ALOX5AP: variants seen among roughly 807,000 people sequenced by gnomAD.
ALOX5AP encodes arachidonate 5-lipoxygenase activating protein, also known as arachidonate 5-lipoxygenase-activating protein.
Under a neutral mutation model 18.5 loss-of-function variants are expected in ALOX5AP, and 9 were observed. The ratio of observed to expected loss-of-function variants is 0.49; its 90% CI spans 0.29 to 0.85. The LOEUF (loss-of-function observed/expected upper bound fraction) is 0.85, where lower values mean the gene tolerates loss of function less well. ALOX5AP is among the 40% of genes least tolerant of loss of function. The probability of loss-of-function intolerance (pLI) is 0.08; values close to 1 mark genes in which losing one functional copy is unlikely to be tolerated. For synonymous variants in ALOX5AP, 81 were observed against 78.6 expected (o/e 1.03, Z -0.16); for missense variants, 172 against 202.5 (o/e 0.85, Z 0.91).
chr13:30,760,339 G>A (rs17239291), intron 4 of ALOX5AP, among the ~76,000 whole-genome samples: 5,004 of 152,130 alleles, frequency 0.033, 264 homozygotes, highest in African/African-American at 0.11. Flanking sequence ...CAAGCAATCT[G>A]CCAGCCTCAG....
intron 1 of ALOX5AP, among the ~76,000 whole-genome samples, chr13:30,742,703 A>T (rs754108956): frequency 6.6e-6 from 1 of 152,262 alleles, no homozygotes; most frequent in Non-Finnish European, 1.5e-5. Flanking sequence ...ACAATAAAGC[A>T]CCCCTTTAAT....
intron 1 of ALOX5AP, 90 bp from the exon 2 acceptor site, chr13:30,743,970 G>A: frequency 9.3e-7 from 1 of 1,078,170 alleles, no homozygotes; most frequent in Non-Finnish European, 1.4e-6. Flanking sequence ...GTCAAGTCAA[G>A]GAGGCATTTA....
At chr13:30,740,926 C>T (rs543612381) in intron 1 of ALOX5AP, among the ~76,000 whole-genome samples, 83 of 151,956 alleles carry the variant, frequency 5.5e-4, no homozygotes, top group Non-Finnish European at 1.0e-3. Context: ...CAGAGAAGTA[C>T]GGCACATCGT....
upstream of ALOX5AP, among the ~76,000 whole-genome samples, chr13:30,732,948 G>A (rs1419106089): frequency 6.6e-6 from 1 of 152,036 alleles, no homozygotes; most frequent in Non-Finnish European, 1.5e-5. Context: ...GAGGTCAGGA[G>A]ATCGAGACCA....
At chr13:30,733,426 G>A (rs908408851), upstream of ALOX5AP, among the ~76,000 whole-genome samples, 3 of 152,190 alleles carry the variant, frequency 2.0e-5, no homozygotes, top group Non-Finnish European at 4.4e-5. Flanking sequence ...GCTTTATGGG[G>A]TTCAAACTCC....
rs17245673 is a variant in ALOX5AP, at chr13:30,762,952, C to T, written c.324-992C>T. Among the ~76,000 whole-genome samples, 584 of 152,314 alleles carry T rather than the reference C, an allele frequency of 3.8e-3. 1 individual carries two copies. The highest frequency in any genetic ancestry group is 0.014 in the African/African-American group (564 of 41,580). Reference sequence around the variant, plus strand: ...TGGCCTCTGCATGCCATTAGGAGGTCACATCTCACTGGGGGATGCAGTTTA... The same window carrying T: ...TGGCCTCTGCATGCCATTAGGAGGTTACATCTCACTGGGGGATGCAGTTTA... On this transcript the variant is annotated intron_variant, in intron 4 of 4. Transcript: ENST00000380490.
chr13:30,714,206 CA>C (rs57400275), intron 1 of ALOX5AP, among the ~76,000 whole-genome samples: 69,697 of 111,218 alleles, frequency 0.63, 21,899 homozygotes, highest in Non-Finnish European at 0.75. Flanking sequence ...TGCTAACTTT[CA>C]AAAAAAAAAA....
chr13:30,731,197 G>A (rs909050813), upstream of ALOX5AP, among the ~76,000 whole-genome samples: 4 of 152,140 alleles, frequency 2.6e-5, no homozygotes, highest in Admixed American at 2.0e-4. Flanking sequence ...ATTGCTCAGT[G>A]CTTTAGCCTG....
intron 1 of ALOX5AP, among the ~76,000 whole-genome samples, chr13:30,721,079 G>A (rs1951589830): frequency 6.6e-6 from 1 of 152,280 alleles, no homozygotes; most frequent in African/African-American, 2.4e-5. Flanking sequence ...TCCAGCCATT[G>A]CACAGGGTTC....
chr13:30,764,020 T>C lies in ALOX5AP; in HGVS notation c.400T>C (p.Tyr134His), dbSNP rs751354742. Reference sequence around the variant, plus strand: ...GTCCGTTGCTGGCATATTCAACTATTACCTCATCTTCTTTTTCGGAAGTGA... The same window carrying C: ...GTCCGTTGCTGGCATATTCAACTATCACCTCATCTTCTTTTTCGGAAGTGA... ...LMSVAGIFNY[Y>H]LIFFFGSDFE... Residue 134 changes from tyrosine to histidine, a missense_variant, in exon 5 of 5, where the codon TAC (tyrosine) becomes CAC (histidine). Coordinates refer to ENST00000380490, the MANE Select transcript of ALOX5AP (RefSeq NM_001629.4). 23 of 1,614,054 alleles carry C rather than the reference T, an allele frequency of 1.4e-5. No homozygotes were observed. The highest frequency in any genetic ancestry group is 1.7e-5 in the Non-Finnish European group (20 of 1,180,012).
In ALOX5AP at chr13:30,743,535, T is replaced by G. The variant is rs143690517; in HGVS notation, c.71-525T>G. 1.8e-3 allele frequency among the ~76,000 whole-genome samples: 271 copies of G among 152,112 alleles called. 2 individuals are homozygous for G. The highest frequency in any genetic ancestry group is 6.1e-3 in the African/African-American group (255 of 41,506). ...CCCCAGTGCCCTCCATTCCCCCTCC[T>G]TGGCTGAACATTCTGAACCACAGAC... is the stretch of plus-strand genomic sequence containing the variant. On this transcript the variant is annotated intron_variant, in intron 1 of 4. Coordinates refer to ENST00000380490, the MANE Select transcript of ALOX5AP (RefSeq NM_001629.4).
intron 1 of ALOX5AP, among the ~76,000 whole-genome samples, chr13:30,720,400 G>A (rs1951584865): frequency 6.6e-6 from 1 of 152,150 alleles, no homozygotes; most frequent in African/African-American, 2.4e-5. Flanking sequence ...GGTCTCTTGG[G>A]ATATCTTTTA....
chr13:30,713,781 C>G, exon 1 of ALOX5AP: 1 of 1,535,738 alleles, frequency 6.5e-7, no homozygotes, highest in Non-Finnish European at 8.7e-7. Context: ...CTGAAAACTT[C>G]TGAATTTGGG....
At chr13:30,745,416 A>T (rs4584668) in intron 2 of ALOX5AP, among the ~76,000 whole-genome samples, 74,917 of 151,482 alleles carry the variant, frequency 0.49, 18,843 homozygotes, top group East Asian at 0.62. Context: ...CCTTTCAGAC[A>T]GCCCCTGAGT....
intron 1 of ALOX5AP, among the ~76,000 whole-genome samples, chr13:30,719,145 G>A (rs1951573455): frequency 6.6e-6 from 1 of 152,188 alleles, no homozygotes; most frequent in African/African-American, 2.4e-5. Flanking sequence ...CACTTTCCAA[G>A]CCTCAATTCA....
At chr13:30,734,314 C>T (rs17239039), upstream of ALOX5AP, among the ~76,000 whole-genome samples, 1,489 of 152,180 alleles carry the variant, frequency 9.8e-3, 25 homozygotes, top group African/African-American at 0.034. Context: ...GGCATTGAAG[C>T]GGGCCTCTGG....
chr13:30,716,768 G>T (rs1475644218), intron 1 of ALOX5AP, among the ~76,000 whole-genome samples: 3 of 152,158 alleles, frequency 2.0e-5, no homozygotes, highest in South Asian at 2.1e-4. Flanking sequence ...GTGATAATTC[G>T]CTGGGAGATC....
chr13:30,718,445 T>C (rs1444057807), intron 1 of ALOX5AP, among the ~76,000 whole-genome samples: 1 of 150,696 alleles, frequency 6.6e-6, no homozygotes, highest in Non-Finnish European at 1.5e-5. Context: ...CACTGCCTTA[T>C]TGCTCAGTTC....
chr13:30,734,072 C>G (rs1404803593), upstream of ALOX5AP, among the ~76,000 whole-genome samples: 1 of 152,116 alleles, frequency 6.6e-6, no homozygotes, highest in South Asian at 2.1e-4. Flanking sequence ...GCATGTGAAC[C>G]AATTTCTATT....
Sources: allele counts gnomAD v4.1 joint callset (sites outside exome capture counted in the v4.1 genomes callset), GRCh38; gene constraint gnomAD v4.1.1; transcripts MANE v1.5; gene names NCBI Gene and HGNC (gene_info 2026-07-23, HGNC 2026-07-21).